CAPNS1: variants seen among roughly 807,000 people sequenced by gnomAD.
CAPNS1 encodes the protein CANP small subunit.
CAPNS1 carries 32 observed loss-of-function variants against 39.2 expected under a neutral mutation model. That is an observed-to-expected ratio of 0.82 (90% CI 0.62 to 1.10). CAPNS1 has a LOEUF of 1.10. Among genes scored for constraint, CAPNS1 ranks in the 50% least tolerant of loss-of-function variants. The pLI is 0.00. For synonymous variants in CAPNS1, 153 were observed against 136.2 expected (o/e 1.12, Z -0.86); for missense variants, 353 against 373.1 (o/e 0.95, Z 0.44).
chr19:36,149,075 G>T (rs1256373820), intron 9 of CAPNS1, among the ~76,000 whole-genome samples: 1 of 152,116 alleles, frequency 6.6e-6, no homozygotes, highest in Admixed American at 6.5e-5. Context: ...TCAGTAGGAG[G>T]CTGGGGCTGG....
At chr19:36,146,449 C>T (rs1047780620) in intron 9 of CAPNS1, 137 bp downstream of exon 9, 2 of 697,714 alleles carry the variant, frequency 2.9e-6, no homozygotes, top group African/African-American at 1.7e-5. Flanking sequence ...TTTCTGCCCT[C>T]ATGGAGCTCA....
At position 36,142,412 on chromosome 19, in the gene CAPNS1, C is replaced by T. The variant is rs973021439; in HGVS notation, c.243+79C>T. 5.4e-6 allele frequency: 4 copies of T among 747,642 alleles called. No individual in the cohort carries two copies. In the Admixed American group the frequency reaches 7.0e-5, roughly 13 times the overall value. The allele number at this position is 747,642 out of a possible 1,614,324, so 46.3% of individuals were successfully genotyped here. A position where few individuals can be genotyped will look rare whatever the true frequency, so the allele number is the denominator to read the frequency against. ...CCCATCCCTGTTCCTGTAGAGAAGC[C>T]CCACCTTCCTCCCCTTCTTGTGAAA... On this transcript the variant is annotated intron_variant, in intron 3 of 10. Coordinates refer to ENST00000246533, the MANE Select transcript of CAPNS1 (RefSeq NM_001749.4).
Position 36,142,802 on chromosome 19 carries a change from C to T in CAPNS1, c.333+61C>T. 3.2e-6 allele frequency: 5 copies of T among 1,578,374 alleles called. No individual in the cohort carries two copies. The Admixed American group carries it at 8.3e-5, about 26-fold the overall frequency. ...GTTCCATCCCTTCCCTTGTGGCTGC[C>T]CTTGCACACACACCCTTGACCATGA... On this transcript the variant is annotated intron_variant, in intron 4 of 10. Transcript: ENST00000246533.
intron 9 of CAPNS1, among the ~76,000 whole-genome samples, chr19:36,148,790 G>A (rs1329858943): frequency 2.6e-5 from 4 of 152,074 alleles, no homozygotes; most frequent in Non-Finnish European, 5.9e-5. Flanking sequence ...TCCAGCCTGG[G>A]CAACAGAGTG....
rs531821831 is a variant in CAPNS1, at chr19:36,141,096, C to A, written c.85C>A (p.Leu29Ile). Reference protein sequence around the residue: ...GGLGGGLGNVLGGLISGAGGG... With the variant: ...GGLGGGLGNVIGGLISGAGGG... Reference sequence around the variant, plus strand: ...CCTGGGTGGGGGCCTGGGAAATGTGCTTGGAGGCCTGATCAGCGGGGCCGG... The same window carrying A: ...CCTGGGTGGGGGCCTGGGAAATGTGATTGGAGGCCTGATCAGCGGGGCCGG... The change falls in exon 2 of 11, where the codon CTT becomes ATT. Residue 29 changes from leucine to isoleucine, a missense_variant. By Grantham distance (5) the Leu-to-Ile change is conservative. Transcript: ENST00000246533. 1,445 of 1,450,422 alleles carry A rather than the reference C, an allele frequency of 1.0e-3. 2 individuals carry two copies. Among genetic ancestry groups the A allele is most frequent in the Middle Eastern group, 1.3e-3 (5 of 3,986 alleles). 89.8% of individuals were successfully genotyped at this position (1,450,422 alleles called of 1,614,324 possible). A position where few individuals can be genotyped will look rare whatever the true frequency, so the allele number is the denominator to read the frequency against.
chr19:36,149,463 C>T, intron 9 of CAPNS1, 115 bp from the exon 10 acceptor site: 1 of 993,918 alleles, frequency 1.0e-6, no homozygotes, highest in Non-Finnish European at 1.4e-6. Context: ...ACAGTAAATA[C>T]TCAGTGAAGT....
intron 6 of CAPNS1, among the ~76,000 whole-genome samples, chr19:36,144,425 AC>A (rs1357829658): frequency 1.3e-5 from 2 of 152,050 alleles, no homozygotes; most frequent in Non-Finnish European, 2.9e-5. Flanking sequence ...ACACACACAC[AC>A]CTAAGAGCAC....
At chr19:36,144,846 A>G (rs1186365921) in intron 6 of CAPNS1, among the ~76,000 whole-genome samples, 1 of 152,264 alleles carries the variant, frequency 6.6e-6, no homozygotes, top group East Asian at 1.9e-4. Context: ...TGGGTGAGTG[A>G]TAATGGTGAT....
chr19:36,142,128 G>A (rs1974395341), intron 2 of CAPNS1, among the ~76,000 whole-genome samples, 172 bp from the exon 3 acceptor site: 1 of 152,116 alleles, frequency 6.6e-6, no homozygotes, highest in Non-Finnish European at 1.5e-5. Flanking sequence ...AGAGGGGCAC[G>A]ACCAGGGCAG....
chr19:36,146,749 A>G (rs933123899), intron 9 of CAPNS1, among the ~76,000 whole-genome samples: 1 of 152,150 alleles, frequency 6.6e-6, no homozygotes, highest in African/African-American at 2.4e-5. Flanking sequence ...ACTTAGTGAG[A>G]AGGTAGGGAA....
In CAPNS1 at chr19:36,150,034, G is replaced by A. The variant is rs537407230; in HGVS notation, c.*195G>A. ...ATTTGCCCTGCCTGGAGTTCCCCCT[G>A]GCTCTAGGACACTCTAACAAGCTCT... On this transcript the variant is annotated 3_prime_UTR_variant, in exon 11 of 11. Coordinates refer to ENST00000246533, the MANE Select transcript of CAPNS1 (RefSeq NM_001749.4). 65 of 464,104 alleles carry A rather than the reference G, an allele frequency of 1.4e-4. No homozygotes were observed. In the South Asian group the frequency reaches 2.6e-3, roughly 19 times the overall value. 28.7% of individuals were successfully genotyped at this position (464,104 alleles called of 1,614,324 possible).
intron 9 of CAPNS1, among the ~76,000 whole-genome samples, chr19:36,149,098 T>C (rs560922787): frequency 2.0e-5 from 3 of 152,286 alleles, no homozygotes; most frequent in African/African-American, 7.2e-5. Context: ...AGAGGTGATA[T>C]CAGTACACAG....
At chr19:36,147,560 T>A (rs1249098255) in intron 9 of CAPNS1, among the ~76,000 whole-genome samples, 9 of 150,260 alleles carry the variant, frequency 6.0e-5, no homozygotes, top group East Asian at 2.0e-4. Flanking sequence ...AGGTCAGGAG[T>A]TCGAGACCAT....
At position 36,142,901 on chromosome 19, in the gene CAPNS1, G is replaced by A. The variant is rs1220399447; in HGVS notation, c.334-8G>A. 3.7e-6 allele frequency: 6 copies of A among 1,614,010 alleles called. No homozygotes were observed. The highest frequency in any genetic ancestry group is 2.2e-5 in the East Asian group (1 of 44,880). On this transcript the variant is annotated splice_polypyrimidine_tract_variant and splice_region_variant and intron_variant, in intron 4 of 10. Coordinates refer to ENST00000246533, the MANE Select transcript of CAPNS1 (RefSeq NM_001749.4). ...CACCCCTGACCTGCCCCTAACTTCCGCCCGCAGGACATGGAGGTCAGCGCC... is the reference window on the plus strand; with the variant it reads ...CACCCCTGACCTGCCCCTAACTTCCACCCGCAGGACATGGAGGTCAGCGCC...
intron 2 of CAPNS1, 118 bp from the exon 3 acceptor site, chr19:36,142,182 G>T: frequency 1.3e-6 from 1 of 779,978 alleles, no homozygotes; most frequent in Non-Finnish European, 2.4e-6. Context: ...GAAAGGCACA[G>T]CAACCAAGTA....
intron 5 of CAPNS1, 21 bp from the exon 6 acceptor site, chr19:36,143,043 C>T: frequency 6.2e-7 from 1 of 1,614,122 alleles, no homozygotes; most frequent in South Asian, 1.1e-5. Flanking sequence ...TGGCCTCTGA[C>T]TTTCAACCTG....
rs182191517 is a variant in CAPNS1 at position 36,142,777 on chromosome 19, G to A, written c.333+36G>A. 2,501 of 1,596,124 alleles carry A rather than the reference G, an allele frequency of 1.6e-3. 42 individuals carry two copies. The Admixed American group carries it at 0.028, about 18-fold the overall frequency. On this transcript the variant is annotated intron_variant, in intron 4 of 10. Transcript: ENST00000246533. ...TGGGGTCCCTGGCCCCGTCCTAACCGTTCCATCCCTTCCCTTGTGGCTGCC... is the reference window on the plus strand; with the variant it reads ...TGGGGTCCCTGGCCCCGTCCTAACCATTCCATCCCTTCCCTTGTGGCTGCC...
intron 1 of CAPNS1, 73 bp from the exon 2 acceptor site, chr19:36,140,924 C>T (rs982980124): frequency 6.4e-7 from 1 of 1,572,306 alleles, no homozygotes; most frequent in Non-Finnish European, 8.6e-7. Context: ...GTCCAGCTGC[C>T]GGAAATGCGT....
intron 3 of CAPNS1, 147 bp from the exon 4 acceptor site, chr19:36,142,505 C>T: frequency 1.4e-6 from 1 of 714,962 alleles, no homozygotes; most frequent in East Asian, 2.5e-5. Context: ...GCCCCACATA[C>T]GTGCACCCCA....
Sources: allele counts gnomAD v4.1 joint callset (sites outside exome capture counted in the v4.1 genomes callset), GRCh38; gene constraint gnomAD v4.1.1; transcripts MANE v1.5; gene names NCBI Gene and HGNC (gene_info 2026-07-23, HGNC 2026-07-21).